The following RELN variants were observed in gnomAD, a reference collection of about 807,000 sequenced individuals.
RELN encodes reelin.
In RELN, 108 loss-of-function variants were observed where a neutral mutation model predicts 427.6. That is an observed-to-expected ratio of 0.25 (90% CI 0.22 to 0.30). The LOEUF (loss-of-function observed/expected upper bound fraction) is 0.30. Ranked by LOEUF, RELN falls within the 10% of genes least tolerant of loss-of-function variation. RELN has a pLI of 1.00. For synonymous variants in RELN, 1,524 were observed against 1,513.4 expected, an observed-to-expected ratio of 1.01 and a Z score of -0.16; for missense variants, 3,715 against 4,302.8, an observed-to-expected ratio of 0.86 and a Z score of 3.82.
chr7:103,611,888 C>A, intron 20 of RELN, 85 bp from the exon 21 acceptor site: 2 of 1,048,458 alleles, frequency 1.9e-6, no homozygotes, highest in Non-Finnish European at 2.9e-6. Flanking sequence ...CACTATATAC[C>A]AAAATAATTT....
At chr7:103,897,186 A>T (rs908356125) in intron 2 of RELN, among the ~76,000 whole-genome samples, 2 of 152,146 alleles carry the variant, frequency 1.3e-5, no homozygotes, top group Non-Finnish European at 2.9e-5. Context: ...TCAAGGTGAG[A>T]GCTGGGTGGA....
chr7:103,771,045 A>T (rs955101352), intron 4 of RELN, among the ~76,000 whole-genome samples: 2 of 150,714 alleles, frequency 1.3e-5, no homozygotes, highest in Non-Finnish European at 2.9e-5. Flanking sequence ...CTTCTGGAGT[A>T]GCTGGGACTA....
chr7:103,646,317 T>G (rs1832796338), intron 16 of RELN, among the ~76,000 whole-genome samples: 1 of 151,570 alleles, frequency 6.6e-6, no homozygotes, highest in Non-Finnish European at 1.5e-5. Flanking sequence ...ATTCAAAGAA[T>G]CAACCATATG....
At chr7:103,639,163 G>C (rs1333293643) in intron 17 of RELN, among the ~76,000 whole-genome samples, 2 of 152,132 alleles carry the variant, frequency 1.3e-5, no homozygotes, top group East Asian at 3.9e-4. Context: ...ACTGACCAGT[G>C]TTTTGGAATG....
rs188995273 is a variant in RELN at position 103,525,644 on chromosome 7, A to G, written c.7350-2113T>C. On this transcript the variant is annotated intron_variant, in intron 46 of 64. Transcript: ENST00000428762. Reference sequence around the variant, plus strand: ...CTTATAATTAACATAGCGGAATACCATATTTCCATAGCACATAATTACTCG... The same window carrying G: ...CTTATAATTAACATAGCGGAATACCGTATTTCCATAGCACATAATTACTCG... Among the ~76,000 whole-genome samples, 15 of 151,856 alleles carry G rather than the reference A, an allele frequency of 9.9e-5. No individual in the cohort carries two copies. The East Asian group carries it at 2.7e-3, about 27-fold the overall frequency.
intron 64 of RELN, among the ~76,000 whole-genome samples, chr7:103,475,764 T>G (rs567450093): frequency 1.3e-5 from 2 of 152,288 alleles, no homozygotes; most frequent in Admixed American, 1.3e-4. Context: ...GTCTCCATCT[T>G]TATAGGTGAG....
At chr7:103,717,217 C>T (rs1789959865) in intron 8 of RELN, among the ~76,000 whole-genome samples, 1 of 151,392 alleles carries the variant, frequency 6.6e-6, no homozygotes, top group African/African-American at 2.4e-5. Flanking sequence ...TACAGGATTT[C>T]AGAATATTCT....
At chr7:103,649,446 G>C (rs565403346) in intron 16 of RELN, among the ~76,000 whole-genome samples, 2 of 152,092 alleles carry the variant, frequency 1.3e-5, no homozygotes, top group African/African-American at 4.8e-5. Context: ...GAGGATGGAA[G>C]GGGGGTGAGG....
At chr7:103,748,922 T>C (rs1790924269) in intron 6 of RELN, among the ~76,000 whole-genome samples, 2 of 152,238 alleles carry the variant, frequency 1.3e-5, no homozygotes, top group Non-Finnish European at 2.9e-5. Context: ...CATCCATTTA[T>C]GTATTAGACA....
chr7:103,672,353 G>C (rs1833413128), intron 11 of RELN, among the ~76,000 whole-genome samples: 1 of 152,150 alleles, frequency 6.6e-6, no homozygotes, highest in Non-Finnish European at 1.5e-5. Context: ...CAAGAGCAAA[G>C]ATGGCGTGGA....
chr7:103,596,462 T>C lies in RELN; in HGVS notation c.3533A>G (p.Lys1178Arg), dbSNP rs1172693840. 2 of 1,613,502 alleles carry C rather than the reference T, an allele frequency of 1.2e-6. No homozygotes were observed. Among genetic ancestry groups the C allele is most frequent in the African/African-American group, 1.3e-5 (1 of 75,030 alleles). ...LAEMYFSDFSKPRFVYLELPA... is the reference protein window; with the variant it reads ...LAEMYFSDFSRPRFVYLELPA... Reference sequence around the variant, plus strand: ...CCATCAGGTGGGTAGTTACCTGGGTTTGCTGAAGTCTGAAAAGTACATCTC... The same window carrying C: ...CCATCAGGTGGGTAGTTACCTGGGTCTGCTGAAGTCTGAAAAGTACATCTC... The change falls in exon 25 of 65, where the codon AAA becomes AGA. Residue 1178 changes from lysine to arginine, a missense_variant. Around this residue, in one of 4 missense-constraint regions of RELN, gnomAD observed 2,208 missense variants for 2,361.7 expected, o/e 0.93. Transcript: ENST00000428762.
intron 20 of RELN, among the ~76,000 whole-genome samples, chr7:103,624,264 T>C (rs1695891485): frequency 6.6e-6 from 1 of 152,184 alleles, no homozygotes; most frequent in Non-Finnish European, 1.5e-5. Context: ...CCCTTTGACT[T>C]GGGCCACCCA....
chr7:103,775,295 T>A (rs1791710392), intron 4 of RELN, among the ~76,000 whole-genome samples: 1 of 152,126 alleles, frequency 6.6e-6, no homozygotes, highest in South Asian at 2.1e-4. Flanking sequence ...AGTCACAGGA[T>A]AAAAATCTGT....
rs903612907 is a variant in RELN, at chr7:103,958,919, T to C, written c.226+30212A>G. On this transcript the variant is annotated intron_variant, in intron 1 of 64. Coordinates refer to ENST00000428762, the MANE Select transcript of RELN (RefSeq NM_005045.4). ...AAAAATAGATTTGAAGATGGAGATT[T>C]GTTCAGTAACACAAACCTCCAAACA... is the stretch of plus-strand genomic sequence containing the variant. 3.3e-5 allele frequency among the ~76,000 whole-genome samples: 5 copies of C among 152,218 alleles called. No individual in the cohort carries two copies. In the East Asian group the frequency reaches 7.7e-4, roughly 23 times the overall value.
intron 8 of RELN, among the ~76,000 whole-genome samples, chr7:103,709,065 A>G (rs1334792485): frequency 4.6e-5 from 7 of 152,210 alleles, no homozygotes; most frequent in African/African-American, 1.7e-4. Flanking sequence ...TGAAGGCAAT[A>G]AAGCCCTTCC....
intron 51 of RELN, among the ~76,000 whole-genome samples, chr7:103,510,248 T>C (rs1829361807): frequency 1.3e-5 from 2 of 152,150 alleles, no homozygotes; most frequent in African/African-American, 4.8e-5. Flanking sequence ...CAAATGCCCA[T>C]CAATGATAGA....
chr7:103,963,032 G>C (rs891590927), intron 1 of RELN, among the ~76,000 whole-genome samples: 5 of 152,238 alleles, frequency 3.3e-5, no homozygotes, highest in African/African-American at 1.2e-4. Context: ...ACCAAGAACA[G>C]GAGACAGACG....
intron 51 of RELN, among the ~76,000 whole-genome samples, chr7:103,504,878 C>T (rs181210359): frequency 1.3e-3 from 199 of 152,230 alleles, no homozygotes; most frequent in African/African-American, 4.5e-3. Flanking sequence ...CTGGGATGCT[C>T]GAGCTTGGTT....
At chr7:103,619,784 G>A (rs1767110321) in intron 20 of RELN, among the ~76,000 whole-genome samples, 1 of 152,116 alleles carries the variant, frequency 6.6e-6, no homozygotes, top group Non-Finnish European at 1.5e-5. Flanking sequence ...GACTGCAGGA[G>A]ACCATGCACC....
Sources: gnomAD v4.1 joint callset for allele counts (sites outside exome capture counted in the v4.1 genomes callset) on GRCh38, gnomAD v4.1.1 for gene constraint, gnomAD v4.1.1 regional missense constraint, MANE v1.5 for transcripts, NCBI Gene and HGNC (gene_info 2026-07-23, HGNC 2026-07-21) for gene names.